RBFOX1: variants seen among roughly 807,000 people sequenced by gnomAD.
RBFOX1 encodes the protein RNA binding fox-1 homolog 1.
A neutral mutation model predicts 57.7 loss-of-function variants in RBFOX1; 8 were observed. The observed-to-expected ratio is 0.14, with a 90% CI of 0.08 to 0.25. The LOEUF (loss-of-function observed/expected upper bound fraction) is 0.25. Ranked by LOEUF, RBFOX1 falls within the 10% of genes least tolerant of loss-of-function variation. The probability of loss-of-function intolerance (pLI) is 1.00; values close to 1 mark genes in which losing one functional copy is unlikely to be tolerated. For missense variants in RBFOX1, 611 were observed against 548.5 expected, an observed-to-expected ratio of 1.11 and a Z score of -1.14; for synonymous variants, 326 against 222.4, an observed-to-expected ratio of 1.47 and a Z score of -4.15.
chr16:5,321,511 G>C (rs763640479), intron 1 of RBFOX1, among the ~76,000 whole-genome samples: 11 of 152,024 alleles, frequency 7.2e-5, no homozygotes, highest in Non-Finnish European at 1.6e-4. Flanking sequence ...TAGTAGAGAC[G>C]GGTTTTCACT....
rs753258216 is a variant in RBFOX1, at chr16:6,640,225, G to A, written c.-63-14378G>A. Among the ~76,000 whole-genome samples the A allele has an allele frequency of 4.3e-4, 66 of 152,244 alleles. 1 individual carries two copies. Among genetic ancestry groups the A allele is most frequent in the Non-Finnish European group, 5.6e-4 (38 of 68,016 alleles). ...TATGGTGAATTATTTTATTATCTTA[G>A]TGTTTCAGATACGCCTTTTGCCACA... On this transcript the variant is annotated intron_variant, in intron 2 of 15. Transcript: ENST00000550418.
At chr16:6,967,820 A>G (rs931606524) in intron 3 of RBFOX1, among the ~76,000 whole-genome samples, 6 of 152,224 alleles carry the variant, frequency 3.9e-5, no homozygotes, top group Non-Finnish European at 8.8e-5. Context: ...TAAGAATGTA[A>G]GGGGACAGGG....
chr16:6,457,568 C>T (rs190572013), intron 2 of RBFOX1, among the ~76,000 whole-genome samples: 6 of 152,234 alleles, frequency 3.9e-5, no homozygotes, highest in Admixed American at 2.6e-4. Context: ...GCTCCCATCA[C>T]CATTCCTGCA....
chr16:7,702,721 A>ACACAGAACACTTGG (rs1293751019), intron 14 of RBFOX1, among the ~76,000 whole-genome samples: 11 of 152,288 alleles, frequency 7.2e-5, no homozygotes, highest in Non-Finnish European at 1.6e-4. Flanking sequence ...TTTTGTCCAA[A>ACACAGAACACTTGG]CACAGAACAC....
intron 2 of RBFOX1, among the ~76,000 whole-genome samples, chr16:6,357,088 C>G (rs2087472894): frequency 6.6e-6 from 1 of 152,014 alleles, no homozygotes; most frequent in Admixed American, 6.6e-5. Flanking sequence ...AAGCAGCGCT[C>G]ACTCTCCCCA....
intron 3 of RBFOX1, among the ~76,000 whole-genome samples, chr16:6,963,773 A>G (rs2083497421): frequency 6.6e-6 from 1 of 151,904 alleles, no homozygotes; most frequent in South Asian, 2.1e-4. Context: ...ATCTCGGCTC[A>G]CTGCAAGCTC....
At chr16:7,232,322 A>C (rs897604128) in intron 4 of RBFOX1, among the ~76,000 whole-genome samples, 4 of 152,226 alleles carry the variant, frequency 2.6e-5, no homozygotes, top group African/African-American at 9.6e-5. Flanking sequence ...AGAAAACTTA[A>C]GTGAGATATA....
rs1348058423 is a variant in RBFOX1 at position 7,552,235 on chromosome 16, C to G, written c.271-27542C>G. 2.0e-5 allele frequency among the ~76,000 whole-genome samples: 3 copies of G among 152,120 alleles called. No homozygotes were observed. In the East Asian group the frequency reaches 5.8e-4, roughly 29 times the overall value. On this transcript the variant is annotated intron_variant, in intron 5 of 15. Coordinates refer to ENST00000550418, the MANE Select transcript of RBFOX1 (RefSeq NM_018723.4). ...CTTCTTTTTTCATAGAATTTTACAACTTGTTTTCAGGTATGCTTCTTTATT... is the reference window on the plus strand; with the variant it reads ...CTTCTTTTTTCATAGAATTTTACAAGTTGTTTTCAGGTATGCTTCTTTATT...
intron 2 of RBFOX1, among the ~76,000 whole-genome samples, chr16:5,490,987 T>C (rs936637408): frequency 8.5e-5 from 13 of 152,146 alleles, no homozygotes; most frequent in African/African-American, 3.1e-4. Context: ...TTTTTCCATA[T>C]AGAAAACCAA....
In RBFOX1 at chr16:6,043,120, G is replaced by GAAAAAAAAAAAAAAAAAAA. The variant is rs570358262; in HGVS notation, c.-127+23152_-127+23170dup. Among the ~76,000 whole-genome samples the GAAAAAAAAAAAAAAAAAAA allele has an allele frequency of 1.4e-4, 10 of 70,254 alleles. 1 individual carries two copies. Among genetic ancestry groups the GAAAAAAAAAAAAAAAAAAA allele is most frequent in the South Asian group, 5.4e-4 (1 of 1,864 alleles). 46.1% of individuals were successfully genotyped at this position (70,254 alleles called of 152,430 possible). On this transcript the variant is annotated intron_variant, in intron 1 of 15. Transcript: ENST00000550418. ...GCGACAGAGCAAGATTGTGTTTCCA[G>GAAAAAAAAAAAAAAAAAAA]AAAAAAAAAAAAAAAAAAAAAAAAA...
At chr16:7,543,671 G>GTA (rs2083580141) in intron 5 of RBFOX1, among the ~76,000 whole-genome samples, 2 of 3,012 alleles carry the variant, frequency 6.6e-4, no homozygotes, top group Non-Finnish European at 5.0e-3. Context: ...CAGTATCTGT[G>GTA]TGTGTGTGTG....
chr16:6,090,805 C>T (rs924235994), intron 1 of RBFOX1, among the ~76,000 whole-genome samples: 10 of 152,058 alleles, frequency 6.6e-5, no homozygotes, highest in African/African-American at 2.4e-4. Context: ...TTAAGCTGTA[C>T]AAATGTAGTC....
chr16:5,494,082 T>TTCCTTTCTGC (rs917919076), intron 2 of RBFOX1, among the ~76,000 whole-genome samples: 20 of 152,294 alleles, frequency 1.3e-4, no homozygotes, highest in African/African-American at 3.6e-4. Context: ...TGACGGGGTG[T>TTCCTTTCTGC]TCCTTTCTGC....
At position 5,969,827 on chromosome 16, in the gene RBFOX1, G is replaced by T. The variant is rs187023628; in HGVS notation, c.351+102492G>T. Among the ~76,000 whole-genome samples, 23 of 151,540 alleles carry T rather than the reference G, an allele frequency of 1.5e-4. 1 individual carries two copies. Among genetic ancestry groups the T allele is most frequent in the Admixed American group, 6.6e-4 (10 of 15,198 alleles). On this transcript the variant is annotated intron_variant, in intron 4 of 19. Transcript: ENST00000641259. ...TTTCATTTTTTTTTCTTTTGCTGCT[G>T]ACTTCCAGCAATATCTTCTCAGTGT...
intron 4 of RBFOX1, among the ~76,000 whole-genome samples, chr16:7,286,448 A>AT (rs940492155): frequency 0.012 from 1,467 of 121,862 alleles, 32 homozygotes; most frequent in South Asian, 0.028. Flanking sequence ...ATACTTTCTT[A>AT]TTTTTTTTTT....
intron 3 of RBFOX1, among the ~76,000 whole-genome samples, chr16:5,682,027 A>T (rs1159943266): frequency 6.6e-6 from 1 of 152,174 alleles, no homozygotes; most frequent in Admixed American, 6.5e-5. Context: ...TGGGGTTGAT[A>T]TTAGAATGCT....
chr16:6,052,706 C>T (rs2095566084), intron 1 of RBFOX1, among the ~76,000 whole-genome samples: 1 of 151,782 alleles, frequency 6.6e-6, no homozygotes, highest in Non-Finnish European at 1.5e-5. Flanking sequence ...ATGGCGTGAA[C>T]CCGGGAGGCG....
At chr16:6,275,603 T>A (rs555842990) in intron 1 of RBFOX1, among the ~76,000 whole-genome samples, 2 of 152,214 alleles carry the variant, frequency 1.3e-5, no homozygotes, top group Non-Finnish European at 2.9e-5. Context: ...TCTGTACATA[T>A]AGTCCTAAAG....
At chr16:5,998,250 C>G (rs555684299) in intron 4 of RBFOX1, among the ~76,000 whole-genome samples, 2 of 152,194 alleles carry the variant, frequency 1.3e-5, no homozygotes, top group African/African-American at 2.4e-5. Flanking sequence ...TCCTGGATCT[C>G]TCCCTTAGAT....
Sources: gnomAD v4.1 joint callset for allele counts (sites outside exome capture counted in the v4.1 genomes callset) on GRCh38, gnomAD v4.1.1 for gene constraint, MANE v1.5 for transcripts, NCBI Gene and HGNC (gene_info 2026-07-23, HGNC 2026-07-21) for gene names.